MFSD11: variants seen among roughly 807,000 people sequenced by gnomAD.
MFSD11 encodes the protein major facilitator superfamily domain containing 11.
MFSD11 carries 36 observed loss-of-function variants against 53.5 expected under a neutral mutation model. That is an observed-to-expected ratio of 0.67 (90% CI 0.52 to 0.89). MFSD11 has a LOEUF of 0.89. Among genes scored for constraint, MFSD11 ranks in the 40% least tolerant of loss-of-function variants. The probability of loss-of-function intolerance (pLI) is 0.00; values close to 1 mark genes in which losing one functional copy is unlikely to be tolerated. For missense variants in MFSD11, 530 were observed against 543.9 expected, an observed-to-expected ratio of 0.97 and a Z score of 0.25; for synonymous variants, 186 against 184.9, an observed-to-expected ratio of 1.01 and a Z score of -0.05.
At chr17:76,745,689 C>A (rs1322487013) in intron 7 of MFSD11, among the ~76,000 whole-genome samples, 1 of 152,132 alleles carries the variant, frequency 6.6e-6, no homozygotes, top group Non-Finnish European at 1.5e-5. Flanking sequence ...AGGCCATCCC[C>A]CATCTCCCTC....
At chr17:76,746,383 G>C (rs925661147) in intron 7 of MFSD11, among the ~76,000 whole-genome samples, 1 of 152,238 alleles carries the variant, frequency 6.6e-6, no homozygotes, top group African/African-American at 2.4e-5. Flanking sequence ...TGCTGGAGAA[G>C]CTGCAGCAAG....
chr17:76,766,455 TAAATAAAATAAA>T (rs1013006303), intron 8 of MFSD11, among the ~76,000 whole-genome samples: 1 of 150,030 alleles, frequency 6.7e-6, no homozygotes, highest in African/African-American at 2.4e-5. Context: ...CCTAAATAAA[TAAATAAAATAAA>T]ATGAACATGC....
intron 2 of MFSD11, among the ~76,000 whole-genome samples, chr17:76,740,342 G>A (rs2144071824): frequency 6.6e-6 from 1 of 152,256 alleles, no homozygotes; most frequent in Admixed American, 6.5e-5. Context: ...ATGTACTAGG[G>A]CTGGGTCAAT....
At chr17:76,745,509 G>A (rs2078453390) in intron 7 of MFSD11, 1 of 152,112 alleles carries the variant, frequency 6.6e-6, no homozygotes, top group Admixed American at 6.6e-5. Context: ...TCACATTTTG[G>A]TAATTCTCAC....
chr17:76,745,474 C>T (rs1651500121), intron 7 of MFSD11: 1 of 152,208 alleles, frequency 6.6e-6, no homozygotes, highest in African/African-American at 2.4e-5. Flanking sequence ...TTTCCAACAG[C>T]GTGTGGTCAC....
chr17:76,772,480 G>A (rs2081451501), intron 10 of MFSD11, among the ~76,000 whole-genome samples: 2 of 150,488 alleles, frequency 1.3e-5, no homozygotes. Flanking sequence ...TCCTTTAACA[G>A]GATTCATCTA....
chr17:76,800,097 G>A, the MFSD11 span, among the ~76,000 whole-genome samples: 5 of 150,590 alleles, frequency 3.3e-5, no homozygotes, highest in South Asian at 4.2e-4. Flanking sequence ...CTGGGATTAC[G>A]GGCACCCGCC....
At chr17:76,782,244 C>G (rs775515108), downstream of MFSD11, among the ~76,000 whole-genome samples, 6 of 151,558 alleles carry the variant, frequency 4.0e-5, no homozygotes, top group African/African-American at 1.5e-4. Flanking sequence ...GGCGCGATCT[C>G]GGCTCACTGC....
chr17:76,749,196 A>G (rs1457443413), intron 7 of MFSD11, among the ~76,000 whole-genome samples: 1 of 152,138 alleles, frequency 6.6e-6, no homozygotes, highest in African/African-American at 2.4e-5. Flanking sequence ...TACTTTTATT[A>G]CCCCAAAAAG....
chr17:76,761,375 A>C, intron 8 of MFSD11, among the ~76,000 whole-genome samples: 1 of 152,216 alleles, frequency 6.6e-6, no homozygotes, highest in Non-Finnish European at 1.5e-5. Flanking sequence ...AGATCTAGCT[A>C]CTAAGATGTT....
intron 8 of MFSD11, among the ~76,000 whole-genome samples, chr17:76,755,843 G>A (rs752524792): frequency 7.3e-4 from 20 of 27,522 alleles, no homozygotes; most frequent in South Asian, 2.7e-3. Context: ...TTTTTTTTGA[G>A]ATGGAGTTTT....
chr17:76,799,101 T>C, the MFSD11 span: 1 of 149,604 alleles, frequency 6.7e-6, no homozygotes, highest in Non-Finnish European at 1.5e-5. Flanking sequence ...ACAGAAGGAA[T>C]CTTGGAGAAC....
rs1437771754 is a variant in MFSD11 at position 76,743,269 on chromosome 17, G to A, written c.438-129G>A. 8.2e-6 allele frequency: 5 copies of A among 612,186 alleles called. No individual in the cohort carries two copies. The East Asian group carries it at 1.6e-4, about 19-fold the overall frequency. The allele number at this position is 612,186 out of a possible 1,614,324, so 37.9% of individuals were successfully genotyped here. On this transcript the variant is annotated intron_variant, in intron 5 of 12. Transcript: ENST00000685175. ...GATACTTTTAAATGACCCAGGACAG[G>A]TAGATACTTTAAAAATGATGTCCTT... is the stretch of plus-strand genomic sequence containing the variant.
At chr17:76,740,541 C>A (rs953427323) in intron 2 of MFSD11, among the ~76,000 whole-genome samples, 2 of 152,204 alleles carry the variant, frequency 1.3e-5, no homozygotes, top group Non-Finnish European at 1.5e-5. Flanking sequence ...CCTGGCTCGA[C>A]ATTCACCAGC....
Position 76,744,304 on chromosome 17 carries a change from C to T in MFSD11, c.497-18C>T. The stretch of plus-strand genomic sequence containing the variant: ...TTGTTTGGTCGATACTATCTTGTTT[C>T]TTCTTTTTTCTCCGTAGAGAGTGAC... On this transcript the variant is annotated intron_variant, in intron 6 of 12. Coordinates refer to ENST00000685175, the MANE Select transcript of MFSD11 (RefSeq NM_001242532.5). 2 of 1,598,336 alleles carry T rather than the reference C, an allele frequency of 1.3e-6. No individual in the cohort carries two copies. The highest frequency in any genetic ancestry group is 1.7e-6 in the Non-Finnish European group (2 of 1,174,978).
chr17:76,792,447 CT>C, the MFSD11 span, among the ~76,000 whole-genome samples: 12,547 of 144,364 alleles, frequency 0.087, 2,171 homozygotes, highest in African/African-American at 0.3. Context: ...TCTTTTCTTT[CT>C]TTTTTTTTTT....
chr17:76,798,916 AC>A, the MFSD11 span: 1 of 150,548 alleles, frequency 6.6e-6, no homozygotes, highest in East Asian at 2.0e-4. Context: ...AATCCCAGCT[AC>A]TCGGGAGGCT....
chr17:76,740,032 G>C (rs2077906275), intron 2 of MFSD11, among the ~76,000 whole-genome samples: 2 of 151,818 alleles, frequency 1.3e-5, no homozygotes. Flanking sequence ...AAATTAGCCA[G>C]GCATGGTGGT....
the MFSD11 span, among the ~76,000 whole-genome samples, chr17:76,802,593 T>TGGAG: frequency 6.6e-6 from 1 of 152,152 alleles, no homozygotes; most frequent in Non-Finnish European, 1.5e-5. Context: ...ATCCGTACAG[T>TGGAG]GGAGGGCTGG....
Sources: gnomAD v4.1 joint callset for allele counts (sites outside exome capture counted in the v4.1 genomes callset) on GRCh38, gnomAD v4.1.1 for gene constraint, MANE v1.5 for transcripts, NCBI Gene and HGNC (gene_info 2026-07-23, HGNC 2026-07-21) for gene names.